The following FYTTD1 variants were observed in gnomAD, a reference collection of about 807,000 sequenced individuals.
FYTTD1 encodes forty-two-three domain containing 1, also known as UAP56-interacting factor.
FYTTD1 carries 22 observed loss-of-function variants against 40.9 expected under a neutral mutation model. The observed-to-expected ratio is 0.54, with a 90% CI of 0.38 to 0.77. The LOEUF is 0.77. Among genes scored for constraint, FYTTD1 ranks in the 30% least tolerant of loss-of-function variants. The pLI is 0.00. For missense variants in FYTTD1, 351 were observed against 392.2 expected, an observed-to-expected ratio of 0.90 and a Z score of 0.89; for synonymous variants, 140 against 137.9, an observed-to-expected ratio of 1.01 and a Z score of -0.10.
chr3:197,758,434 A>G (rs1729273890), intron 2 of FYTTD1, among the ~76,000 whole-genome samples: 1 of 152,200 alleles, frequency 6.6e-6, no homozygotes, highest in Middle Eastern at 3.2e-3. Flanking sequence ...ACTTCAAGGA[A>G]TTAATTTCCG....
chr3:197,761,957 C>T (rs1055280712), intron 2 of FYTTD1, among the ~76,000 whole-genome samples: 2 of 152,162 alleles, frequency 1.3e-5, no homozygotes, highest in African/African-American at 4.8e-5. Context: ...AGGTCAGGTT[C>T]TGGTGAGAGT....
chr3:197,769,200 G>A (rs1318547469), intron 3 of FYTTD1, among the ~76,000 whole-genome samples: 1 of 152,108 alleles, frequency 6.6e-6, no homozygotes, highest in Non-Finnish European at 1.5e-5. Context: ...CAATTCTTCT[G>A]CCTCAGCCTC....
chr3:197,750,626 CG>C (rs1284314826), intron 1 of FYTTD1: 4 of 985,140 alleles, frequency 4.1e-6, no homozygotes, highest in Non-Finnish European at 4.8e-6. Flanking sequence ...GCGCGACTCT[CG>C]GGGCCACCTC....
intron 8 of FYTTD1, among the ~76,000 whole-genome samples, chr3:197,779,572 C>CAGG (rs2109055661): frequency 7.3e-6 from 1 of 137,120 alleles, no homozygotes; most frequent in South Asian, 2.5e-4. Context: ...ACTCTGTCAC[C>CAGG]AGGACTGGAA....
In FYTTD1 at chr3:197,749,888, G is replaced by C; in HGVS notation, c.-84G>C. 1.2e-6 allele frequency: 1 copy of C among 860,670 alleles called. No homozygotes were observed. The highest frequency in any genetic ancestry group is 1.7e-6 in the Non-Finnish European group (1 of 598,534). The allele number at this position is 860,670 out of a possible 1,614,324, so 53.3% of individuals were successfully genotyped here. A position where few individuals can be genotyped will look rare whatever the true frequency, so the allele number is the denominator to read the frequency against. On this transcript the variant is annotated 5_prime_UTR_variant, in exon 1 of 9. Coordinates refer to ENST00000241502, the MANE Select transcript of FYTTD1 (RefSeq NM_032288.7). ...CGGCGCGTGCGCGCTCCCTCGGTGCGGCGGGCTGCGTGCGCGAGTGGGAGG... is the reference window on the plus strand; with the variant it reads ...CGGCGCGTGCGCGCTCCCTCGGTGCCGCGGGCTGCGTGCGCGAGTGGGAGG...
chr3:197,778,765 C>T (rs1381828225), intron 8 of FYTTD1, among the ~76,000 whole-genome samples: 1 of 152,172 alleles, frequency 6.6e-6, no homozygotes, highest in African/African-American at 2.4e-5. Flanking sequence ...GTATATACCA[C>T]ATCTTATTTA....
chr3:197,754,019 C>T (rs1223307073), intron 1 of FYTTD1, among the ~76,000 whole-genome samples: 2 of 152,282 alleles, frequency 1.3e-5, no homozygotes, highest in Admixed American at 6.5e-5. Flanking sequence ...GGATTACAGG[C>T]GTGAGCTACC....
chr3:197,768,392 A>G (rs1181149525), intron 2 of FYTTD1, 47 bp from the exon 3 acceptor site: 4 of 1,434,802 alleles, frequency 2.8e-6, no homozygotes, highest in East Asian at 4.8e-5. Context: ...GACCGTCCCA[A>G]TTGAATTGTT....
At chr3:197,754,399 T>G (rs1395614598) in intron 1 of FYTTD1, among the ~76,000 whole-genome samples, 1 of 152,122 alleles carries the variant, frequency 6.6e-6, no homozygotes. Flanking sequence ...GTGTGAATAT[T>G]TGAGTGTAAT....
chr3:197,770,292 C>A, intron 4 of FYTTD1, 48 bp downstream of exon 4: 1 of 1,150,878 alleles, frequency 8.7e-7, no homozygotes, highest in Non-Finnish European at 1.3e-6. Flanking sequence ...AAAAACACTT[C>A]CTGCATTAAG....
At chr3:197,750,142 T>G in intron 1 of FYTTD1, 68 bp downstream of exon 1, 5 of 1,249,492 alleles carry the variant, frequency 4.0e-6, no homozygotes, top group Non-Finnish European at 5.5e-6. Flanking sequence ...CGGCGCGGTT[T>G]GTGGGGGCAG....
In FYTTD1 at chr3:197,756,134, A is replaced by G. The variant is rs113556787; in HGVS notation, c.104-292A>G. On this transcript the variant is annotated intron_variant, in intron 1 of 8. Coordinates refer to ENST00000241502, the MANE Select transcript of FYTTD1 (RefSeq NM_032288.7). ...GAGGCTTCTGTGATTATGGGAAGTA[A>G]GTAGGAAATTGGAGGCTTCTGTGAT... 3.4e-3 allele frequency among the ~76,000 whole-genome samples: 512 copies of G among 151,268 alleles called. 1 individual carries two copies. The highest frequency in any genetic ancestry group is 4.1e-3 in the Admixed American group (63 of 15,190).
chr3:197,752,662 G>GTC (rs1283184288), intron 1 of FYTTD1, among the ~76,000 whole-genome samples: 6 of 151,544 alleles, frequency 4.0e-5, no homozygotes, highest in Non-Finnish European at 8.8e-5. Flanking sequence ...ATATGTGTAT[G>GTC]TATATATGGC....
chr3:197,756,693 G>A, intron 2 of FYTTD1, 136 bp downstream of exon 2: 3 of 804,392 alleles, frequency 3.7e-6, no homozygotes, highest in Non-Finnish European at 6.1e-6. Context: ...CTAGGTTTTT[G>A]TTTAGATCTA....
intron 4 of FYTTD1, 23 bp from the exon 5 acceptor site, chr3:197,773,380 T>A (rs1405183900): frequency 2.8e-6 from 4 of 1,409,684 alleles, no homozygotes; most frequent in Admixed American, 1.7e-5. Flanking sequence ...TGGCTTAGCA[T>A]GGCCTATGTG....
Position 197,782,161 on chromosome 3 carries a change from C to G in FYTTD1, c.*252C>G, listed in dbSNP as rs1327038598. On this transcript the variant is annotated 3_prime_UTR_variant, in exon 9 of 9. Transcript: ENST00000241502. ...TCAGACAGAACAATCATCTGTTTGA[C>G]TTCTTTGGTTCCTCATGCAGCAGAA... The G allele has an allele frequency of 3.5e-6, 1 of 285,846 alleles. No homozygotes were observed. Among genetic ancestry groups the G allele is most frequent in the Non-Finnish European group, 6.4e-6 (1 of 155,642 alleles). 17.7% of individuals were successfully genotyped at this position (285,846 alleles called of 1,614,324 possible). A position where few individuals can be genotyped will look rare whatever the true frequency, so the allele number is the denominator to read the frequency against.
At chr3:197,762,037 C>G (rs1444736818) in intron 2 of FYTTD1, among the ~76,000 whole-genome samples, 2 of 152,144 alleles carry the variant, frequency 1.3e-5, no homozygotes, top group South Asian at 2.1e-4. Context: ...CTAGAGAGCT[C>G]TCCAGGGTCA....
At chr3:197,773,918 G>C (rs1317725695) in intron 5 of FYTTD1, among the ~76,000 whole-genome samples, 3 of 148,864 alleles carry the variant, frequency 2.0e-5, no homozygotes, top group Non-Finnish European at 3.0e-5. Flanking sequence ...GGGCCCCTCC[G>C]CAGCACTCAC....
chr3:197,781,787 T>C (rs1363730303), intron 8 of FYTTD1, 24 bp from the exon 9 acceptor site: 1 of 1,550,332 alleles, frequency 6.5e-7, no homozygotes, highest in Non-Finnish European at 8.8e-7. Flanking sequence ...TTTGTTGTTG[T>C]TTTTGTTTTT....
Sources: allele counts gnomAD v4.1 joint callset (sites outside exome capture counted in the v4.1 genomes callset), GRCh38; gene constraint gnomAD v4.1.1; transcripts MANE v1.5; gene names NCBI Gene and HGNC (gene_info 2026-07-23, HGNC 2026-07-21).